Variants in CCDC102B observed in about 807,000 individuals in gnomAD.
CCDC102B encodes coiled-coil domain containing 102B, also known as coiled-coil domain-containing protein 102B.
Under a neutral mutation model 57.4 loss-of-function variants are expected in CCDC102B, and 75 were observed. The ratio of observed to expected loss-of-function variants is 1.31; its 90% CI spans 1.08 to 1.58. The LOEUF (loss-of-function observed/expected upper bound fraction) is 1.58, where lower values mean the gene tolerates loss of function less well. Ranked by LOEUF, CCDC102B falls within the 40% of genes most tolerant of loss-of-function variation. The pLI is 0.00. For missense variants in CCDC102B, 636 were observed against 582.6 expected, an observed-to-expected ratio of 1.09 and a Z score of -0.94; for synonymous variants, 206 against 201.9, an observed-to-expected ratio of 1.02 and a Z score of -0.17.
At chr18:69,053,652 AAG>A in intron 7 of CCDC102B, among the ~76,000 whole-genome samples, 1 of 152,000 alleles carries the variant, frequency 6.6e-6, no homozygotes, top group African/African-American at 2.4e-5. Context: ...CTTGTTTTTA[AAG>A]AGTTACTTTA....
intron 2 of CCDC102B, among the ~76,000 whole-genome samples, chr18:68,730,471 G>A (rs182894553): frequency 4.6e-5 from 7 of 152,086 alleles, no homozygotes; most frequent in Admixed American, 3.9e-4. Flanking sequence ...GAAATATTTT[G>A]GACCTTATTT....
chr18:68,847,350 C>T (rs1393486748), intron 4 of CCDC102B, among the ~76,000 whole-genome samples: 1 of 151,544 alleles, frequency 6.6e-6, no homozygotes, highest in Middle Eastern at 3.4e-3. Context: ...TTTATGTGCT[C>T]TATAATATAA....
At chr18:68,962,823 T>C (rs1257139155) in intron 6 of CCDC102B, among the ~76,000 whole-genome samples, 3 of 152,030 alleles carry the variant, frequency 2.0e-5, no homozygotes, top group Non-Finnish European at 2.9e-5. Context: ...GTCTTCCGGC[T>C]TACTTCCAAT....
intron 1 of CCDC102B, among the ~76,000 whole-genome samples, chr18:68,819,518 A>G (rs1348074379): frequency 6.6e-6 from 1 of 151,924 alleles, no homozygotes; most frequent in Non-Finnish European, 1.5e-5. Flanking sequence ...ATAATTCTGT[A>G]AATTTGTTCT....
chr18:68,876,847 C>G (rs942748157), intron 5 of CCDC102B, among the ~76,000 whole-genome samples: 2 of 152,086 alleles, frequency 1.3e-5, no homozygotes, highest in African/African-American at 4.8e-5. Context: ...CAAGCTGTCA[C>G]AGAGAAATAT....
At chr18:68,813,284 C>T (rs1038929993) in intron 1 of CCDC102B, among the ~76,000 whole-genome samples, 1 of 152,034 alleles carries the variant, frequency 6.6e-6, no homozygotes, top group African/African-American at 2.4e-5. Flanking sequence ...CTGAGGCCTC[C>T]CCAGTCATGT....
chr18:68,993,737 A>G (rs1340854854), intron 6 of CCDC102B, among the ~76,000 whole-genome samples: 1 of 152,194 alleles, frequency 6.6e-6, no homozygotes, highest in Non-Finnish European at 1.5e-5. Context: ...GGATGTACAT[A>G]TATACTCAGT....
intron 2 of CCDC102B, among the ~76,000 whole-genome samples, chr18:68,742,236 A>C (rs150793366): frequency 1.7e-3 from 262 of 152,266 alleles, no homozygotes; most frequent in African/African-American, 6.1e-3. Flanking sequence ...TTCTTGGCTC[A>C]TAGAAGCATC....
intron 7 of CCDC102B, among the ~76,000 whole-genome samples, chr18:69,042,452 A>G (rs1393475598): frequency 6.6e-6 from 1 of 152,094 alleles, no homozygotes; most frequent in Non-Finnish European, 1.5e-5. Context: ...CATGGCTACC[A>G]CTTTAAAGCT....
intron 2 of CCDC102B, among the ~76,000 whole-genome samples, chr18:68,721,893 AG>A (rs1320530930): frequency 1.3e-5 from 2 of 152,214 alleles, no homozygotes; most frequent in African/African-American, 2.4e-5. Flanking sequence ...GGCTGTCAAA[AG>A]AAACCTCAAC....
At chr18:69,020,434 G>T (rs1458921701) in intron 7 of CCDC102B, among the ~76,000 whole-genome samples, 1 of 151,950 alleles carries the variant, frequency 6.6e-6, no homozygotes, top group Non-Finnish European at 1.5e-5. Flanking sequence ...GGTTAAAGTC[G>T]AATACAATGA....
intron 4 of CCDC102B, among the ~76,000 whole-genome samples, chr18:68,868,249 T>C (rs2039089661): frequency 1.3e-5 from 2 of 152,070 alleles, no homozygotes; most frequent in Admixed American, 6.6e-5. Flanking sequence ...ATTAAAAATA[T>C]ACATCAGCAA....
chr18:68,786,248 G>A (rs997382940), intron 2 of CCDC102B, among the ~76,000 whole-genome samples: 3 of 152,126 alleles, frequency 2.0e-5, no homozygotes, highest in African/African-American at 4.8e-5. Flanking sequence ...AGTATAGTTT[G>A]TTCAGGTAGT....
At chr18:69,023,985 A>G (rs2051916848) in intron 7 of CCDC102B, among the ~76,000 whole-genome samples, 1 of 152,004 alleles carries the variant, frequency 6.6e-6, no homozygotes, top group South Asian at 2.1e-4. Context: ...AATGGATTTC[A>G]ACAGCAACTA....
At chr18:68,907,538 C>A (rs937690448) in intron 6 of CCDC102B, among the ~76,000 whole-genome samples, 3 of 152,072 alleles carry the variant, frequency 2.0e-5, no homozygotes, top group Admixed American at 6.6e-5. Flanking sequence ...CTATGTATTT[C>A]GTTCTTTCAG....
At position 69,011,120 on chromosome 18, in the gene CCDC102B, T is replaced by C. The variant is rs1329024985; in HGVS notation, c.1434+16T>C. 1 of 1,607,200 alleles carries C rather than the reference T, an allele frequency of 6.2e-7. No individual in the cohort carries two copies. The highest frequency in any genetic ancestry group is 8.5e-7 in the Non-Finnish European group (1 of 1,176,420). On this transcript the variant is annotated intron_variant, in intron 7 of 7. Coordinates refer to ENST00000360242, the MANE Select transcript of CCDC102B (RefSeq NM_024781.3). ...AGAAGATGAGGTACTACTTTATGAG[T>C]GAACACGTGCTGGACAGCTTCTAAA... is the stretch of plus-strand genomic sequence containing the variant.
At chr18:68,741,595 CT>C (rs1878163846) in intron 2 of CCDC102B, among the ~76,000 whole-genome samples, 1 of 151,478 alleles carries the variant, frequency 6.6e-6, no homozygotes. Context: ...AGGCAAATGC[CT>C]TCCATATTTG....
chr18:69,003,485 A>G (rs2051260099), intron 6 of CCDC102B, among the ~76,000 whole-genome samples: 1 of 152,194 alleles, frequency 6.6e-6, no homozygotes, highest in South Asian at 2.1e-4. Context: ...ATTATAAAAT[A>G]GCAAGCAAAG....
intron 6 of CCDC102B, among the ~76,000 whole-genome samples, chr18:68,901,694 A>C (rs954437759): frequency 6.6e-6 from 1 of 152,186 alleles, no homozygotes; most frequent in Non-Finnish European, 1.5e-5. Context: ...AAATTCTCAG[A>C]GTGCCCCTAT....
Sources: allele counts gnomAD v4.1 joint callset (sites outside exome capture counted in the v4.1 genomes callset), GRCh38; gene constraint gnomAD v4.1.1; transcripts MANE v1.5; gene names NCBI Gene and HGNC (gene_info 2026-07-23, HGNC 2026-07-21).